Variants in SHQ1 observed in about 807,000 individuals in gnomAD.
SHQ1 encodes the protein SHQ1, H/ACA ribonucleoprotein assembly factor.
SHQ1 carries 49 observed loss-of-function variants against 53.8 expected under a neutral mutation model. That is an observed-to-expected ratio of 0.91 (90% CI 0.72 to 1.16). The LOEUF (loss-of-function observed/expected upper bound fraction) is 1.16, where lower values mean the gene tolerates loss of function less well. SHQ1 is among the 50% of genes most tolerant of loss of function. The pLI is 0.00. For missense variants in SHQ1, 738 were observed against 683.1 expected (o/e 1.08, Z -0.90); for synonymous variants, 243 against 251.0 (o/e 0.97, Z 0.30).
At chr3:72,843,076 C>CA (rs767123809) in intron 2 of SHQ1, among the ~76,000 whole-genome samples, 1,318 of 86,616 alleles carry the variant, frequency 0.015, 8 homozygotes, top group African/African-American at 0.035. Context: ...GATTCTGTCT[C>CA]AAAAAAAAAA....
intron 9 of SHQ1, among the ~76,000 whole-genome samples, chr3:72,803,002 A>C (rs1706835645): frequency 6.6e-6 from 1 of 152,184 alleles, no homozygotes; most frequent in Non-Finnish European, 1.5e-5. Context: ...GTTGAGACTC[A>C]GTCTCAAGCT....
chr3:72,753,795 G>A (rs1296517844), intron 10 of SHQ1: 3 of 250,580 alleles, frequency 1.2e-5, no homozygotes, highest in Admixed American at 1.3e-4. Context: ...GGAATATGAC[G>A]GCTGCAACAT....
At chr3:72,805,999 G>A (rs1170460663) in intron 9 of SHQ1, among the ~76,000 whole-genome samples, 2 of 152,158 alleles carry the variant, frequency 1.3e-5, no homozygotes, top group African/African-American at 4.8e-5. Context: ...GAGATTCTAT[G>A]GAGATGACTA....
chr3:72,791,119 T>C lies in SHQ1; in HGVS notation c.1181+1797A>G, dbSNP rs1427491223. Among the ~76,000 whole-genome samples, 15 of 152,134 alleles carry C rather than the reference T, an allele frequency of 9.9e-5. 1 individual carries two copies. The stretch of plus-strand genomic sequence containing the variant: ...ATATCACAAAGAGAGAAACAGGCAC[T>C]CACAGAAATGAGATCCTGGTACATA... On this transcript the variant is annotated intron_variant, in intron 10 of 10. Coordinates refer to ENST00000325599, the MANE Select transcript of SHQ1 (RefSeq NM_018130.3).
chr3:72,804,624 T>C (rs1007425185), intron 9 of SHQ1, among the ~76,000 whole-genome samples: 1 of 152,240 alleles, frequency 6.6e-6, no homozygotes, highest in Admixed American at 6.5e-5. Context: ...GCACGGAGAA[T>C]AGATTTGATT....
chr3:72,769,395 G>A (rs899255385), intron 10 of SHQ1, among the ~76,000 whole-genome samples: 2 of 152,162 alleles, frequency 1.3e-5, no homozygotes, highest in South Asian at 2.1e-4. Flanking sequence ...CAACTTCTAC[G>A]TCTGCAGACT....
intron 3 of SHQ1, among the ~76,000 whole-genome samples, chr3:72,841,565 G>T (rs1708179782): frequency 6.6e-6 from 1 of 152,168 alleles, no homozygotes; most frequent in African/African-American, 2.4e-5. Context: ...TGGAGAGAGG[G>T]CAAAGTAATG....
At chr3:72,824,579 T>C in intron 5 of SHQ1, 28 bp from the exon 6 acceptor site, 7 of 1,587,174 alleles carry the variant, frequency 4.4e-6, no homozygotes, top group Non-Finnish European at 6.0e-6. Context: ...AAGAACTTAC[T>C]ATACAGGATT....
chr3:72,772,930 C>A, intron 10 of SHQ1: 2 of 856,070 alleles, frequency 2.3e-6, no homozygotes, highest in Non-Finnish European at 4.0e-6. Context: ...GTTATTTGAC[C>A]AGCATGAAGA....
chr3:72,747,219 T>C (rs2106691831), downstream of SHQ1, among the ~76,000 whole-genome samples: 1 of 152,340 alleles, frequency 6.6e-6, no homozygotes, highest in East Asian at 1.9e-4. Context: ...TATGGAGTGC[T>C]TGAGAATACG....
intron 10 of SHQ1, among the ~76,000 whole-genome samples, chr3:72,766,485 A>G (rs1705733619): frequency 6.6e-6 from 1 of 152,252 alleles, no homozygotes; most frequent in African/African-American, 2.4e-5. Flanking sequence ...ACCACAGGTC[A>G]TCTTGTTCTT....
At chr3:72,740,921 T>G in the SHQ1 span, among the ~76,000 whole-genome samples, 1 of 152,176 alleles carries the variant, frequency 6.6e-6, no homozygotes, top group Non-Finnish European at 1.5e-5. Flanking sequence ...AGATTCACCT[T>G]GTGATTATCC....
At chr3:72,748,329 C>CCAA (rs1705291548), downstream of SHQ1, among the ~76,000 whole-genome samples, 5 of 58,760 alleles carry the variant, frequency 8.5e-5, no homozygotes, top group Non-Finnish European at 1.5e-4. Context: ...ATGAGGCATG[C>CCAA]AAAAAAAAAA....
chr3:72,802,613 T>C (rs146486676), intron 9 of SHQ1, among the ~76,000 whole-genome samples: 2,358 of 152,290 alleles, frequency 0.015, 59 homozygotes, highest in African/African-American at 0.052. Flanking sequence ...TTTTTCTGAT[T>C]TTTTTGCCTT....
chr3:72,729,938 C>T, the SHQ1 span, among the ~76,000 whole-genome samples: 1 of 152,132 alleles, frequency 6.6e-6, no homozygotes, highest in African/African-American at 2.4e-5. Flanking sequence ...CCTGCCTCGG[C>T]CTCCCGAGTA....
intron 9 of SHQ1, among the ~76,000 whole-genome samples, chr3:72,802,910 A>G (rs1234593191): frequency 6.6e-6 from 1 of 152,150 alleles, no homozygotes; most frequent in Non-Finnish European, 1.5e-5. Context: ...TTTTTAAAAA[A>G]GCTTTCTGGT....
intron 5 of SHQ1, among the ~76,000 whole-genome samples, chr3:72,825,309 G>A (rs1707616558): frequency 6.6e-6 from 1 of 150,764 alleles, no homozygotes; most frequent in Non-Finnish European, 1.5e-5. Context: ...AAAACAAGCA[G>A]ATGAGTAGGA....
At chr3:72,762,898 C>T (rs892322023) in intron 10 of SHQ1, among the ~76,000 whole-genome samples, 5 of 152,010 alleles carry the variant, frequency 3.3e-5, no homozygotes, top group Non-Finnish European at 7.4e-5. Context: ...TGCTCTTGAA[C>T]CCCTTACCTC....
At chr3:72,741,672 A>G in the SHQ1 span, among the ~76,000 whole-genome samples, 1 of 152,030 alleles carries the variant, frequency 6.6e-6, no homozygotes, top group African/African-American at 2.4e-5. Context: ...GCTTGGCTTC[A>G]TGCAGTCGCT....
Sources: allele counts gnomAD v4.1 joint callset (sites outside exome capture counted in the v4.1 genomes callset), GRCh38; gene constraint gnomAD v4.1.1; transcripts MANE v1.5; gene names NCBI Gene and HGNC (gene_info 2026-07-23, HGNC 2026-07-21).